NLN: variants seen among roughly 807,000 people sequenced by gnomAD.
The protein encoded by NLN is neurolysin.
A neutral mutation model predicts 79.9 loss-of-function variants in NLN; 64 were observed. The ratio of observed to expected loss-of-function variants is 0.80; its 90% CI spans 0.65 to 0.99. The LOEUF is 0.99. Among genes scored for constraint, NLN ranks in the 50% least tolerant of loss-of-function variants. The pLI is 0.00. For missense variants in NLN, 835 were observed against 858.7 expected, an observed-to-expected ratio of 0.97 and a Z score of 0.34; for synonymous variants, 267 against 296.6, an observed-to-expected ratio of 0.90 and a Z score of 1.02.
At chr5:65,755,697 A>G (rs928948222) in intron 1 of NLN, among the ~76,000 whole-genome samples, 2 of 152,186 alleles carry the variant, frequency 1.3e-5, no homozygotes, top group African/African-American at 4.8e-5. Flanking sequence ...ATATAACTCA[A>G]CTGGTGGAAG....
intron 1 of NLN, among the ~76,000 whole-genome samples, chr5:65,730,590 T>A (rs1758583403): frequency 1.3e-5 from 2 of 151,762 alleles, no homozygotes; most frequent in Admixed American, 1.3e-4. Context: ...GGAGTCTCAC[T>A]CTATTGCTCG....
At chr5:65,722,680 G>C (rs1302818818) in intron 1 of NLN, 3 of 498,854 alleles carry the variant, frequency 6.0e-6, no homozygotes, top group Non-Finnish European at 7.1e-6. Context: ...GCTGGTCACA[G>C]ACGCGGCCCA....
chr5:65,778,246 A>G (rs958299052), intron 4 of NLN, among the ~76,000 whole-genome samples: 4 of 152,242 alleles, frequency 2.6e-5, no homozygotes, highest in Non-Finnish European at 2.9e-5. Context: ...ATGCCAGTCA[A>G]GTCTTCCAGG....
At chr5:65,782,117 T>C (rs1759813957) in intron 6 of NLN, among the ~76,000 whole-genome samples, 1 of 152,224 alleles carries the variant, frequency 6.6e-6, no homozygotes, top group South Asian at 2.1e-4. Context: ...CTGGGAAGAT[T>C]CTGTACTATG....
Position 65,763,013 on chromosome 5 carries a change from C to T in NLN, c.355C>T (p.Arg119Ter), listed in dbSNP as rs143150546. Residue 119 changes from arginine to a stop codon, truncating the protein, a stop_gained, in exon 3 of 13, where the codon CGA becomes TGA. Transcript: ENST00000380985. LOFTEE classifies it high-confidence loss of function. ...PQHVSSDKEVRAASTEADKRL... is the reference protein window; with the variant it reads ...PQHVSSDKEV The stretch of plus-strand genomic sequence containing the variant: ...GCATGTATCCTCTGACAAAGAAGTA[C>T]GAGCAGCAAGTACAGAAGCAGACAA... 48 of 1,613,730 alleles carry T rather than the reference C, an allele frequency of 3.0e-5. No homozygotes were observed. Among genetic ancestry groups the T allele is most frequent in the Non-Finnish European group, 3.7e-5 (44 of 1,179,912 alleles).
In NLN at chr5:65,780,156, C is replaced by T. The variant is rs764520277; in HGVS notation, c.559-23C>T. On this transcript the variant is annotated intron_variant, in intron 4 of 12. Coordinates refer to ENST00000380985, the MANE Select transcript of NLN (RefSeq NM_020726.5). The stretch of plus-strand genomic sequence containing the variant: ...TGAGTTTCTTTTTATTGCTAATGCC[C>T]TGTATTTTTATCTTCCTTTCAGGAA... The T allele has an allele frequency of 8.6e-6, 8 of 927,940 alleles. No homozygotes were observed. In the African/African-American group the frequency reaches 1.0e-4, roughly 12 times the overall value. 57.5% of individuals were successfully genotyped at this position (927,940 alleles called of 1,614,324 possible).
chr5:65,771,435 T>C (rs902986526), intron 3 of NLN, among the ~76,000 whole-genome samples: 2 of 152,224 alleles, frequency 1.3e-5, no homozygotes, highest in Non-Finnish European at 2.9e-5. Flanking sequence ...TCCAGTGGCC[T>C]GCTAAGGAAT....
chr5:65,807,365 A>C (rs1326441188), intron 9 of NLN, among the ~76,000 whole-genome samples: 1 of 152,002 alleles, frequency 6.6e-6, no homozygotes, highest in Non-Finnish European at 1.5e-5. Context: ...AGCTTGCCAA[A>C]GGCTCAGATG....
At chr5:65,819,916 A>G (rs548401193) in intron 12 of NLN, among the ~76,000 whole-genome samples, 2 of 152,332 alleles carry the variant, frequency 1.3e-5, no homozygotes, top group South Asian at 4.1e-4. Flanking sequence ...CTTCATTGCA[A>G]AGGAAATGAA....
chr5:65,808,495 T>C (rs1426344208), intron 9 of NLN, among the ~76,000 whole-genome samples: 1 of 152,176 alleles, frequency 6.6e-6, no homozygotes, highest in African/African-American at 2.4e-5. Context: ...CCCAGTAGGA[T>C]AAATGCTGTC....
At chr5:65,810,608 A>G (rs753129403) in intron 11 of NLN, among the ~76,000 whole-genome samples, 21 of 151,996 alleles carry the variant, frequency 1.4e-4, no homozygotes, top group Non-Finnish European at 2.9e-4. Context: ...CATACAGTCC[A>G]CTTGCACTCT....
Position 65,781,387 on chromosome 5 carries a change from G to T in NLN, c.788G>T (p.Arg263Met). 6.2e-7 allele frequency: 1 copy of T among 1,609,786 alleles called. No homozygotes were observed. The highest frequency in any genetic ancestry group is 1.1e-5 in the South Asian group (1 of 90,900). Residue 263 changes from arginine (R) to methionine (M), a missense_variant, in exon 6 of 13, where the codon AGG becomes ATG. Physicochemically the swap from Arg to Met is moderately conservative, Grantham distance 91. Transcript: ENST00000380985. ...KKCCIPETRRRMEMAFNTRCK... is the reference protein window; with the variant it reads ...KKCCIPETRRMMEMAFNTRCK... Reference sequence around the variant, plus strand: ...TGTTGTATCCCTGAAACCAGAAGAAGGATGGAAATGGCTTTTAATACAAGG... The same window carrying T: ...TGTTGTATCCCTGAAACCAGAAGAATGATGGAAATGGCTTTTAATACAAGG...
chr5:65,812,820 C>G (rs1048601043), intron 12 of NLN, among the ~76,000 whole-genome samples: 15 of 152,110 alleles, frequency 9.9e-5, no homozygotes, highest in Admixed American at 9.2e-4. Context: ...GGGAGACGCC[C>G]TTTTTCTGTG....
chr5:65,747,192 T>C lies in NLN; in HGVS notation c.42-11375T>C, dbSNP rs571549959. On this transcript the variant is annotated intron_variant, in intron 1 of 12. Coordinates refer to ENST00000380985, the MANE Select transcript of NLN (RefSeq NM_020726.5). ...TGCAGCTATGTTCGTAGGAGGGAAG[T>C]GGAGGGAATTTCTGTGTGATGGCTT... 1.9e-4 allele frequency among the ~76,000 whole-genome samples: 29 copies of C among 151,792 alleles called. 1 individual carries two copies. Among genetic ancestry groups the C allele is most frequent in the African/African-American group, 6.8e-4 (28 of 41,192 alleles).
chr5:65,821,014 C>T (rs1231367957), intron 12 of NLN, among the ~76,000 whole-genome samples: 4 of 148,712 alleles, frequency 2.7e-5, no homozygotes, highest in Admixed American at 1.3e-4. Context: ...CTGCACTCCA[C>T]CCTGGGCGAC....
At chr5:65,728,455 A>G (rs1758527953) in intron 1 of NLN, among the ~76,000 whole-genome samples, 1 of 152,172 alleles carries the variant, frequency 6.6e-6, no homozygotes, top group Non-Finnish European at 1.5e-5. Flanking sequence ...TTATTTTCTT[A>G]GTATAAATTC....
intron 2 of NLN, among the ~76,000 whole-genome samples, chr5:65,761,587 A>G (rs1759342356): frequency 6.6e-6 from 1 of 152,126 alleles, no homozygotes; most frequent in Non-Finnish European, 1.5e-5. Context: ...CCACCGTTTT[A>G]TAGCTAATTT....
At chr5:65,817,240 A>G (rs949784944) in intron 12 of NLN, among the ~76,000 whole-genome samples, 3 of 152,240 alleles carry the variant, frequency 2.0e-5, no homozygotes, top group Non-Finnish European at 4.4e-5. Context: ...GTAAATAGAC[A>G]TCACATCGTA....
intron 1 of NLN, among the ~76,000 whole-genome samples, chr5:65,725,562 C>T (rs1333408021): frequency 6.6e-6 from 1 of 152,226 alleles, no homozygotes; most frequent in Non-Finnish European, 1.5e-5. Flanking sequence ...CAAACAATCA[C>T]TTTCCTTAAT....
Sources: gnomAD v4.1 joint callset for allele counts (sites outside exome capture counted in the v4.1 genomes callset) on GRCh38, gnomAD v4.1.1 for gene constraint, MANE v1.5 for transcripts, NCBI Gene and HGNC (gene_info 2026-07-23, HGNC 2026-07-21) for gene names.